Variants in BUB1B observed in about 807,000 individuals in gnomAD.
BUB1B encodes the protein mitotic checkpoint serine/threonine-protein kinase BUB1 beta.
In BUB1B, 86 loss-of-function variants were observed where a neutral mutation model predicts 137.7. That is an observed-to-expected ratio of 0.62 (90% confidence interval 0.52 to 0.75). The LOEUF is 0.75. Among genes scored for constraint, BUB1B ranks in the 30% least tolerant of loss-of-function variants. The probability of loss-of-function intolerance (pLI) is 0.00; values close to 1 mark genes in which losing one functional copy is unlikely to be tolerated. For missense variants in BUB1B, 1,130 were observed against 1,236.9 expected (o/e 0.91, Z 1.30); for synonymous variants, 420 against 417.9 (o/e 1.00, Z -0.06).
intron 22 of BUB1B, 23 bp from the exon 23 acceptor site, chr15:40,220,541 G>A (rs889977243): frequency 6.2e-7 from 1 of 1,611,630 alleles, no homozygotes; most frequent in Admixed American, 1.7e-5. Context: ...AATCTTGATG[G>A]AAATGGTTTT....
At chr15:40,203,404 C>T (rs917439217) in intron 14 of BUB1B, among the ~76,000 whole-genome samples, 1 of 152,106 alleles carries the variant, frequency 6.6e-6, no homozygotes, top group African/African-American at 2.4e-5. Flanking sequence ...TGGAGAGTGA[C>T]TGCTAATGGG....
At chr15:40,204,440 C>CT (rs67153834) in intron 14 of BUB1B, among the ~76,000 whole-genome samples, 72,477 of 143,644 alleles carry the variant, frequency 0.5, 18,422 homozygotes, top group Non-Finnish European at 0.56. Flanking sequence ...CTTCATTTAC[C>CT]TTTTTTTTTT....
chr15:40,182,833 A>G lies in BUB1B; in HGVS notation c.582-881A>G, dbSNP rs78707343. Among the ~76,000 whole-genome samples, 685 of 152,180 alleles carry G rather than the reference A, an allele frequency of 4.5e-3. 3 individuals carry two copies. The highest frequency in any genetic ancestry group is 0.015 in the African/African-American group (634 of 41,498). On this transcript the variant is annotated intron_variant, in intron 5 of 22. Transcript: ENST00000287598. ...CATACCACCACTGCAACAGTTCAAA[A>G]CCACAAGAGAAAATAGAAGAATAAA...
intron 22 of BUB1B, among the ~76,000 whole-genome samples, chr15:40,218,894 G>A (rs1335197515): frequency 2.6e-5 from 4 of 152,176 alleles, no homozygotes; most frequent in Non-Finnish European, 5.9e-5. Context: ...ATTGGTGTTA[G>A]CCTTAAATTC....
At position 40,185,645 on chromosome 15, in the gene BUB1B, G is replaced by C. The variant is rs1173498007; in HGVS notation, c.1058+3G>C. ...GAGACTGCACGACAGCCAGTTATGT[G>C]AGTGTGGTTTTTGGATATTTTGAAG... On this transcript the variant is annotated splice_donor_region_variant and intron_variant, in intron 8 of 22. Coordinates refer to ENST00000287598, the MANE Select transcript of BUB1B (RefSeq NM_001211.6). 6.2e-7 allele frequency: 1 copy of C among 1,612,022 alleles called. No individual in the cohort carries two copies.
chr15:40,172,255 T>C (rs1385692198), intron 4 of BUB1B, among the ~76,000 whole-genome samples: 1 of 152,042 alleles, frequency 6.6e-6, no homozygotes, highest in East Asian at 1.9e-4. Flanking sequence ...AATAAATTTC[T>C]TACTAAAGTC....
At chr15:40,213,957 A>G (rs2037744861) in intron 20 of BUB1B, among the ~76,000 whole-genome samples, 1 of 152,266 alleles carries the variant, frequency 6.6e-6, no homozygotes, top group Non-Finnish European at 1.5e-5. Flanking sequence ...TCAAAGAAAT[A>G]AACACATTGA....
rs1249232148 is a variant in BUB1B at position 40,184,661 on chromosome 15, A to T, written c.752-504A>T. 2.6e-5 allele frequency among the ~76,000 whole-genome samples: 4 copies of T among 152,170 alleles called. No homozygotes were observed. The East Asian group carries it at 7.7e-4, about 29-fold the overall frequency. ...AATGTTACTTGGTGGTTCTAGAATT[A>T]GGATATAGGGAGTGTATGGTCCCAA... On this transcript the variant is annotated intron_variant, in intron 6 of 22. Coordinates refer to ENST00000287598, the MANE Select transcript of BUB1B (RefSeq NM_001211.6).
At chr15:40,206,738 C>T (rs570347226) in intron 15 of BUB1B, among the ~76,000 whole-genome samples, 14 of 152,166 alleles carry the variant, frequency 9.2e-5, no homozygotes, top group African/African-American at 2.9e-4. Flanking sequence ...ACATGACTGA[C>T]GAAAAGGAGG....
intron 8 of BUB1B, among the ~76,000 whole-genome samples, chr15:40,188,828 G>A (rs574986684): frequency 5.3e-5 from 8 of 151,806 alleles, no homozygotes; most frequent in Non-Finnish European, 7.4e-5. Flanking sequence ...AGATCTGCCC[G>A]CCTTAGCCTC....
At chr15:40,209,005 C>T (rs910285983) in intron 16 of BUB1B, among the ~76,000 whole-genome samples, 22 of 152,056 alleles carry the variant, frequency 1.4e-4, no homozygotes, top group South Asian at 4.2e-4. Flanking sequence ...GGTGGGGTTT[C>T]GCCATGTTGC....
chr15:40,181,582 G>A (rs984318826), intron 5 of BUB1B, among the ~76,000 whole-genome samples: 3 of 152,048 alleles, frequency 2.0e-5, no homozygotes, highest in Non-Finnish European at 4.4e-5. Flanking sequence ...CCCCGACTCT[G>A]CTACCAATAA....
chr15:40,165,947 G>A (rs1428769773), intron 2 of BUB1B, among the ~76,000 whole-genome samples: 1 of 148,478 alleles, frequency 6.7e-6, no homozygotes, highest in African/African-American at 2.5e-5. Context: ...CTGCCTCCCG[G>A]TTTTAAGTGA....
intron 8 of BUB1B, among the ~76,000 whole-genome samples, chr15:40,194,126 T>C (rs2037470329): frequency 6.6e-6 from 1 of 152,238 alleles, no homozygotes; most frequent in Non-Finnish European, 1.5e-5. Flanking sequence ...ATTTTCTTTT[T>C]TCCCCTTTTT....
chr15:40,185,619 A>G lies in BUB1B; in HGVS notation c.1035A>G (p.Glu345=), dbSNP rs2037351547. 1.2e-6 allele frequency: 2 copies of G among 1,614,118 alleles called. No individual in the cohort carries two copies. The highest frequency in any genetic ancestry group is 1.7e-6 in the Non-Finnish European group (2 of 1,179,936). Residue 345 remains glutamate (E), a synonymous_variant, in exon 8 of 23, where the codon GAA becomes GAG. Transcript: ENST00000287598. The stretch of plus-strand genomic sequence containing the variant: ...TTCCCAGTTTCACTCCATATGTGGA[A>G]GAGACTGCACGACAGCCAGTTATGT... ...AVLPSFTPYV[E]ETARQPVMTP...
intron 18 of BUB1B, 122 bp from the exon 19 acceptor site, chr15:40,212,377 A>G (rs2140907612): frequency 2.6e-6 from 2 of 757,572 alleles, no homozygotes; most frequent in East Asian, 5.1e-5. Context: ...TAGTAGATTT[A>G]TGCCTTTAAA....
At chr15:40,183,179 G>A (rs1358537100) in intron 5 of BUB1B, among the ~76,000 whole-genome samples, 4 of 152,192 alleles carry the variant, frequency 2.6e-5, no homozygotes, top group Non-Finnish European at 5.9e-5. Context: ...AGCAGCATAG[G>A]AAGTTTACTT....
intron 8 of BUB1B, among the ~76,000 whole-genome samples, chr15:40,190,848 A>G (rs1000597564): frequency 6.6e-6 from 1 of 152,008 alleles, no homozygotes; most frequent in African/African-American, 2.4e-5. Flanking sequence ...ACAAAATGGG[A>G]ATATATGGGA....
At chr15:40,172,617 G>A (rs529329922) in intron 4 of BUB1B, among the ~76,000 whole-genome samples, 6 of 152,220 alleles carry the variant, frequency 3.9e-5, no homozygotes, top group Admixed American at 1.3e-4. Context: ...GGAAGAAAAC[G>A]GGTTCGTCTT....
Sources: allele counts gnomAD v4.1 joint callset (sites outside exome capture counted in the v4.1 genomes callset), GRCh38; gene constraint gnomAD v4.1.1; transcripts MANE v1.5; gene names NCBI Gene and HGNC (gene_info 2026-07-23, HGNC 2026-07-21).